TCF3: variants seen among roughly 807,000 people sequenced by gnomAD.
TCF3 encodes transcription factor E2-alpha.
In TCF3, 54 loss-of-function variants were observed where a neutral mutation model predicts 72.3. That is an observed-to-expected ratio of 0.75 (90% CI 0.60 to 0.94). The LOEUF (loss-of-function observed/expected upper bound fraction) is 0.94, where lower values mean the gene tolerates loss of function less well. Among genes scored for constraint, TCF3 ranks in the 40% least tolerant of loss-of-function variants. TCF3 has a pLI of 0.00. For synonymous variants in TCF3, 525 were observed against 412.6 expected (o/e 1.27, Z -3.30); for missense variants, 1,078 against 934.4 (o/e 1.15, Z -2.00).
At chr19:1,638,371 T>TTTTG (rs549131803) in intron 3 of TCF3, among the ~76,000 whole-genome samples, 3 of 152,220 alleles carry the variant, frequency 2.0e-5, no homozygotes, top group East Asian at 1.9e-4. Context: ...TTTTTGTTTT[T>TTTTG]TTTGTTTGTT....
chr19:1,619,678 C>CT, intron 14 of TCF3, 102 bp downstream of exon 14: 1 of 1,245,908 alleles, frequency 8.0e-7, no homozygotes, highest in Non-Finnish European at 1.1e-6. Context: ...CAGCTTGGGG[C>CT]TTATTTACAA....
chr19:1,626,509 G>A (rs946365957), intron 6 of TCF3, among the ~76,000 whole-genome samples: 1 of 151,640 alleles, frequency 6.6e-6, no homozygotes, highest in East Asian at 1.9e-4. Context: ...GGGTGGCCCA[G>A]CGCCCAGGAC....
intron 6 of TCF3, among the ~76,000 whole-genome samples, chr19:1,626,315 T>C (rs148448904): frequency 4.6e-5 from 7 of 152,252 alleles, no homozygotes; most frequent in African/African-American, 1.4e-4. Context: ...CCGGGTATGG[T>C]GGCACATGCC....
At chr19:1,621,547 C>G (rs970514567) in intron 11 of TCF3, among the ~76,000 whole-genome samples, 13 of 149,910 alleles carry the variant, frequency 8.7e-5, no homozygotes, top group Admixed American at 2.0e-4. Flanking sequence ...CCCTCTCTGA[C>G]CCTGGGTGGG....
At chr19:1,633,389 C>G (rs984787669) in intron 3 of TCF3, among the ~76,000 whole-genome samples, 1 of 152,168 alleles carries the variant, frequency 6.6e-6, no homozygotes, top group African/African-American at 2.4e-5. Context: ...AGAGCCAGGC[C>G]TGGGGGACCC....
chr19:1,633,753 C>T (rs1039582725), intron 3 of TCF3, among the ~76,000 whole-genome samples: 7 of 152,164 alleles, frequency 4.6e-5, no homozygotes, highest in African/African-American at 9.7e-5. Context: ...GGAATCCACA[C>T]GGCATTCGCT....
intron 3 of TCF3, 101 bp from the exon 4 acceptor site, chr19:1,632,506 G>C (rs2063832415): frequency 7.7e-7 from 1 of 1,303,614 alleles, no homozygotes; most frequent in African/African-American, 1.5e-5. Flanking sequence ...GGACCCGGGG[G>C]GCTTGTGGAA....
chr19:1,611,305 G>C lies in TCF3; in HGVS notation c.*402C>G, dbSNP rs1194672047. On this transcript the variant is annotated 3_prime_UTR_variant, in exon 19 of 19. Coordinates refer to ENST00000262965, the MANE Select transcript of TCF3 (RefSeq NM_003200.5). Reference sequence around the variant, plus strand: ...TGTTTCCATTTCTCCGCTTTTTATAGTTAAGGCATTTTTTTCTTCTCTGAC... The same window carrying C: ...TGTTTCCATTTCTCCGCTTTTTATACTTAAGGCATTTTTTTCTTCTCTGAC... 6 of 371,808 alleles carry C rather than the reference G, an allele frequency of 1.6e-5. No homozygotes were observed. The Admixed American group carries it at 2.3e-4, about 14-fold the overall frequency. The allele number at this position is 371,808 out of a possible 1,614,324, so 23.0% of individuals were successfully genotyped here.
chr19:1,637,864 G>T (rs1210943695), intron 3 of TCF3, among the ~76,000 whole-genome samples: 1 of 151,970 alleles, frequency 6.6e-6, no homozygotes, highest in Non-Finnish European at 1.5e-5. Context: ...AGCCGAGATC[G>T]TGCCACTGCA....
intron 3 of TCF3, among the ~76,000 whole-genome samples, chr19:1,640,994 CA>C (rs1183203082): frequency 6.6e-6 from 1 of 151,862 alleles, no homozygotes; most frequent in Non-Finnish European, 1.5e-5. Context: ...ACTAAAACTA[CA>C]AAAAATTAGC....
At position 1,612,437 on chromosome 19, in the gene TCF3, G is replaced by A. The variant is rs1316880278; in HGVS notation, c.1823-588C>T. 5 of 1,609,506 alleles carry A rather than the reference G, an allele frequency of 3.1e-6. No homozygotes were observed. In the African/African-American group the frequency reaches 4.0e-5, roughly 13 times the overall value. On this transcript the variant is annotated intron_variant, in intron 18 of 18. Coordinates refer to ENST00000262965, the MANE Select transcript of TCF3 (RefSeq NM_003200.5). ...GGACAGCACCTCGTCCGTACTGCTG[G>A]GTCACAGCACCGAGGCCTCTGTTAG...
Position 1,611,547 on chromosome 19 carries a change from C to T in TCF3, c.*160G>A, listed in dbSNP as rs1287883325. On this transcript the variant is annotated 3_prime_UTR_variant, in exon 19 of 19. Transcript: ENST00000262965. The stretch of plus-strand genomic sequence containing the variant: ...CTCCTGGACCCAGTGTCACCTTGGC[C>T]GCCCCCATCACTCCGAACCTTGTCA... 6.7e-6 allele frequency: 7 copies of T among 1,044,222 alleles called. No homozygotes were observed. The highest frequency in any genetic ancestry group is 3.3e-5 in the African/African-American group (2 of 61,454). The allele number at this position is 1,044,222 out of a possible 1,614,324, so 64.7% of individuals were successfully genotyped here.
At position 1,619,337 on chromosome 19, in the gene TCF3, C is replaced by A; in HGVS notation, c.1305G>T (p.Leu435=). 6.3e-7 allele frequency: 1 copy of A among 1,579,522 alleles called. No homozygotes were observed. The highest frequency in any genetic ancestry group is 1.3e-5 in the African/African-American group (1 of 74,528). ...TCACCAGGCCTGCGTGCCGCCCGCCCAGTGACATGGGGCCGGTGAAACCTG... is the reference window on the plus strand; with the variant it reads ...TCACCAGGCCTGCGTGCCGCCCGCCAAGTGACATGGGGCCGGTGAAACCTG... ...LASGFTGPMS[L]GGRHAGLVGG... Residue 435 remains leucine, a synonymous_variant, in exon 15 of 19, where the codon CTG becomes CTT. Transcript: ENST00000262965.
At chr19:1,622,840 G>A (rs998372340) in intron 8 of TCF3, among the ~76,000 whole-genome samples, 5 of 152,166 alleles carry the variant, frequency 3.3e-5, no homozygotes, top group African/African-American at 4.8e-5. Flanking sequence ...AGCAACATTC[G>A]TCCTTCACTA....
At chr19:1,636,542 T>C (rs919821971) in intron 3 of TCF3, among the ~76,000 whole-genome samples, 1 of 152,162 alleles carries the variant, frequency 6.6e-6, no homozygotes, top group African/African-American at 2.4e-5. Flanking sequence ...CAGGCGCTCC[T>C]CCCACCTTGT....
rs1033199504 is a variant in TCF3, at chr19:1,623,996, C to T, written c.504G>A (p.Thr168=). Residue 168 remains threonine, a synonymous_variant, in exon 8 of 19, where the codon ACG becomes ACA. Coordinates refer to ENST00000262965, the MANE Select transcript of TCF3 (RefSeq NM_003200.5). ...RRRAADGSLD[T]QPKKVRKVPP... ...GGACCTTCCGGACCTTCTTGGGCTG[C>T]GTGTCTGTTAGAAGCAAAAGGGGTG... 71 of 1,613,250 alleles carry T rather than the reference C, an allele frequency of 4.4e-5. No homozygotes were observed. The highest frequency in any genetic ancestry group is 2.7e-4 in the Admixed American group (16 of 59,980).
At chr19:1,651,250 G>C (rs1313919981) in intron 1 of TCF3, 1 of 226,920 alleles carries the variant, frequency 4.4e-6, no homozygotes, top group African/African-American at 2.2e-5. Flanking sequence ...GGGGTCCCCA[G>C]GTGGGGACGG....
intron 14 of TCF3, 77 bp downstream of exon 14, chr19:1,619,703 G>C: frequency 1.5e-6 from 2 of 1,304,696 alleles, no homozygotes; most frequent in Non-Finnish European, 2.1e-6. Flanking sequence ...CTAACAAAAA[G>C]GTTTCTCCTT....
At chr19:1,649,921 G>A (rs1251569473) in intron 2 of TCF3, among the ~76,000 whole-genome samples, 5 of 152,228 alleles carry the variant, frequency 3.3e-5, no homozygotes, top group Admixed American at 2.0e-4. Flanking sequence ...TGCCCCTGAG[G>A]ACTCAGTTTC....
Sources: allele counts gnomAD v4.1 joint callset (sites outside exome capture counted in the v4.1 genomes callset), GRCh38; gene constraint gnomAD v4.1.1; transcripts MANE v1.5; gene names NCBI Gene and HGNC (gene_info 2026-07-23, HGNC 2026-07-21).